Variants in HNF1A observed in about 807,000 individuals in gnomAD.
The protein encoded by HNF1A is hepatocyte nuclear factor 1-alpha.
Under a neutral mutation model 62.2 loss-of-function variants are expected in HNF1A, and 21 were observed. The ratio of observed to expected loss-of-function variants is 0.34; its 90% CI spans 0.24 to 0.49. The LOEUF is 0.49. Among genes scored for constraint, HNF1A ranks in the 20% least tolerant of loss-of-function variants. The pLI is 0.99. For missense variants in HNF1A, 687 were observed against 832.3 expected, an observed-to-expected ratio of 0.83 and a Z score of 2.15; for synonymous variants, 374 against 366.8, an observed-to-expected ratio of 1.02 and a Z score of -0.22.
intron 9 of HNF1A, chr12:121,000,778 A>G: frequency 2.1e-6 from 1 of 471,180 alleles, no homozygotes; most frequent in Non-Finnish European, 3.9e-6. Flanking sequence ...TGTTTGACTC[A>G]GCCTAGCCAA....
intron 1 of HNF1A, among the ~76,000 whole-genome samples, chr12:120,982,305 G>A (rs1423451863): frequency 6.6e-6 from 1 of 151,994 alleles, no homozygotes; most frequent in Admixed American, 6.6e-5. Context: ...CCTGACCTCA[G>A]GTGATCCGCC....
intron 4 of HNF1A, among the ~76,000 whole-genome samples, chr12:120,995,182 TCCACTC>T (rs1197147800): frequency 6.6e-6 from 1 of 151,492 alleles, no homozygotes; most frequent in Non-Finnish European, 1.5e-5. Context: ...CTCCATCCAC[TCCACTC>T]CATCTACTAC....
intron 1 of HNF1A, among the ~76,000 whole-genome samples, chr12:120,984,279 G>A (rs563160574): frequency 1.7e-4 from 26 of 152,206 alleles, no homozygotes; most frequent in Admixed American, 8.5e-4. Flanking sequence ...TTTGTGCAGG[G>A]TGGCTGGCCT....
intron 1 of HNF1A, among the ~76,000 whole-genome samples, chr12:120,983,916 CTGTGTGTG>C (rs61680384): frequency 3.1e-4 from 42 of 137,206 alleles, no homozygotes; most frequent in East Asian, 8.5e-4. Context: ...CTTGAAGACT[CTGTGTGTG>C]TGTGTGTGTG....
intron 1 of HNF1A, among the ~76,000 whole-genome samples, chr12:120,981,903 A>T (rs528971163): frequency 1.3e-5 from 2 of 152,240 alleles, no homozygotes; most frequent in South Asian, 4.1e-4. Flanking sequence ...TGAGTGAGTG[A>T]CTGGGATTGT....
At chr12:120,991,586 T>G (rs1211907852) in intron 2 of HNF1A, among the ~76,000 whole-genome samples, 1 of 151,842 alleles carries the variant, frequency 6.6e-6, no homozygotes, top group East Asian at 1.9e-4. Context: ...AGAGGGAGAC[T>G]CTGTCAAATA....
intron 1 of HNF1A, among the ~76,000 whole-genome samples, chr12:120,981,560 T>G (rs1793615976): frequency 6.6e-6 from 1 of 152,204 alleles, no homozygotes; most frequent in Non-Finnish European, 1.5e-5. Context: ...CATTTTGGCT[T>G]TGCTGTTCCT....
Position 120,983,950 on chromosome 12 carries a change from T to TGTG in HNF1A, c.326+4856_326+4857insGTG, listed in dbSNP as rs1382795865. 1.3e-3 allele frequency among the ~76,000 whole-genome samples: 72 copies of TGTG among 55,114 alleles called. 1 individual carries two copies. The highest frequency in any genetic ancestry group is 4.4e-3 in the African/African-American group (65 of 14,642). 36.2% of individuals were successfully genotyped at this position (55,114 alleles called of 152,430 possible). A position where few individuals can be genotyped will look rare whatever the true frequency, so the allele number is the denominator to read the frequency against. ...TGTGTGTGTGTGTGTGTGTGTGTGTTTGTGTAAGAGACACACAGAGAGACA... is the reference window on the plus strand; with the variant it reads ...TGTGTGTGTGTGTGTGTGTGTGTGTTGTGTGTGTAAGAGACACACAGAGAGACA... On this transcript the variant is annotated intron_variant, in intron 1 of 9. Transcript: ENST00000257555.
chr12:120,991,640 T>TATGTATGTATGC (rs1565884945), intron 2 of HNF1A, among the ~76,000 whole-genome samples: 5 of 140,282 alleles, frequency 3.6e-5, no homozygotes, highest in Admixed American at 1.4e-4. Flanking sequence ...TGTATGTATG[T>TATGTATGTATGC]ATGCATGCAT....
intron 1 of HNF1A, among the ~76,000 whole-genome samples, chr12:120,987,351 T>TGTAGGCCCAGCTACTTGGGAGGCTGA (rs1876562387): frequency 6.6e-6 from 1 of 151,260 alleles, no homozygotes; most frequent in Non-Finnish European, 1.5e-5. Context: ...GGCGGGTGCC[T>TGTAGGCCCAGCTACTTGGGAGGCTGA]GTAGGCCCAG....
intron 2 of HNF1A, among the ~76,000 whole-genome samples, chr12:120,990,566 T>G (rs1436749519): frequency 6.8e-6 from 1 of 146,262 alleles, no homozygotes; most frequent in Non-Finnish European, 1.5e-5. Context: ...ATGGCAAGGT[T>G]CCTCCTCTAA....
chr12:120,991,632 T>C (rs1415275713), intron 2 of HNF1A, among the ~76,000 whole-genome samples: 1 of 99,138 alleles, frequency 1.0e-5, no homozygotes. Flanking sequence ...ATGTATGATG[T>C]ATGTATGTAT....
intron 6 of HNF1A, 37 bp from the exon 7 acceptor site, chr12:120,997,437 T>TG (rs980490998): frequency 1.9e-6 from 3 of 1,572,730 alleles, no homozygotes; most frequent in East Asian, 2.2e-5. Flanking sequence ...GGGATATAAC[T>TG]GGGGGGCCCA....
At chr12:120,999,425 T>G in intron 8 of HNF1A, 36 bp downstream of exon 8, 1 of 1,613,698 alleles carries the variant, frequency 6.2e-7, no homozygotes, top group Non-Finnish European at 8.5e-7. Context: ...CCTTGGCCTG[T>G]GACAGAGCCC....
At chr12:120,990,722 C>G (rs887072257) in intron 2 of HNF1A, among the ~76,000 whole-genome samples, 2 of 147,938 alleles carry the variant, frequency 1.4e-5, no homozygotes, top group African/African-American at 5.0e-5. Flanking sequence ...AGAAAAAGAA[C>G]GAGAGAAAGA....
chr12:121,001,862 G>A lies in HNF1A; in HGVS notation c.*670G>A. 1.9e-6 allele frequency: 1 copy of A among 522,156 alleles called. No homozygotes were observed. The highest frequency in any genetic ancestry group is 3.7e-6 in the Non-Finnish European group (1 of 269,096). 32.3% of individuals were successfully genotyped at this position (522,156 alleles called of 1,614,324 possible). ...GGGCTCTCCTGGCTTCCCATCCCCA[G>A]CGATTCCCTCTCCCAGGCCCCATGA... On this transcript the variant is annotated 3_prime_UTR_variant, in exon 10 of 10. Transcript: ENST00000257555.
chr12:120,990,614 A>AGAT (rs1204334398), intron 2 of HNF1A, among the ~76,000 whole-genome samples: 2 of 117,370 alleles, frequency 1.7e-5, no homozygotes, highest in Non-Finnish European at 3.4e-5. Context: ...AAGGGAGGAA[A>AGAT]GATAGGAAAG....
chr12:120,999,736 C>A, intron 9 of HNF1A, 109 bp downstream of exon 9: 1 of 1,380,096 alleles, frequency 7.2e-7, no homozygotes, highest in Non-Finnish European at 9.7e-7. Context: ...TGCAGCAGGC[C>A]TAGGGCTGCT....
At position 120,996,524 on chromosome 12, in the gene HNF1A, T is replaced by G; in HGVS notation, c.1108-17T>G. The G allele has an allele frequency of 6.2e-7, 1 of 1,613,376 alleles. No homozygotes were observed. The highest frequency in any genetic ancestry group is 8.5e-7 in the Non-Finnish European group (1 of 1,179,858). Reference sequence around the variant, plus strand: ...GGGACCCCGGCCCCCCGGACACAGCTTGGCTTCCCCTCGTAGGTCTCAGCA... The same window carrying G: ...GGGACCCCGGCCCCCCGGACACAGCGTGGCTTCCCCTCGTAGGTCTCAGCA... On this transcript the variant is annotated splice_polypyrimidine_tract_variant and intron_variant, in intron 5 of 9. Transcript: ENST00000257555. The surrounding 1 kb of genome is among the most constrained non-coding windows in gnomAD (Gnocchi z 4.5).
Sources: allele counts gnomAD v4.1 joint callset (sites outside exome capture counted in the v4.1 genomes callset), GRCh38; gene constraint gnomAD v4.1.1; non-coding constraint Gnocchi (gnomAD v3.1); transcripts MANE v1.5; gene names NCBI Gene and HGNC (gene_info 2026-07-23, HGNC 2026-07-21).